The following ABCC10 variants were observed in gnomAD, a reference collection of about 807,000 sequenced individuals.
ABCC10 encodes the protein ATP binding cassette subfamily C member 10.
In ABCC10, 110 loss-of-function variants were observed where a neutral mutation model predicts 143.2. The ratio of observed to expected loss-of-function variants is 0.77; its 90% confidence interval spans 0.66 to 0.90. ABCC10 has a LOEUF of 0.90. ABCC10 is among the 40% of genes least tolerant of loss of function. The pLI is 0.00. For synonymous variants in ABCC10, 805 were observed against 846.7 expected, an observed-to-expected ratio of 0.95 and a Z score of 0.85; for missense variants, 1,700 against 1,900.5, an observed-to-expected ratio of 0.89 and a Z score of 1.96.
chr6:43,441,019 C>T (rs530884307), intron 8 of ABCC10, among the ~76,000 whole-genome samples: 1 of 152,086 alleles, frequency 6.6e-6, no homozygotes, highest in Admixed American at 6.5e-5. Context: ...AGGAGAATTG[C>T]ATGAACCCGA....
At position 43,444,741 on chromosome 6, in the gene ABCC10, A is replaced by C. The variant is rs775833095; in HGVS notation, c.2690-47A>C. The C allele has an allele frequency of 3.6e-5, 56 of 1,536,628 alleles. No individual in the cohort carries two copies. The Middle Eastern group carries it at 8.9e-4, about 25-fold the overall frequency. ...AAGGGGGCATTGGAATAGAATGAACAAGGGAGAGGAGCCTCTTACAGCTTT... is the reference window on the plus strand; with the variant it reads ...AAGGGGGCATTGGAATAGAATGAACCAGGGAGAGGAGCCTCTTACAGCTTT... On this transcript the variant is annotated intron_variant, in intron 12 of 21. Coordinates refer to ENST00000372530, the MANE Select transcript of ABCC10 (RefSeq NM_001198934.2).
intron 2 of ABCC10, 92 bp downstream of exon 2, chr6:43,428,231 A>T: frequency 7.4e-7 from 1 of 1,345,062 alleles, no homozygotes; most frequent in South Asian, 1.5e-5. Context: ...CAGAATAGCG[A>T]GGTCTCTGGA....
rs767365843 is a variant in ABCC10 at position 43,432,137 on chromosome 6, C to T, written c.162-5C>T. The T allele has an allele frequency of 1.2e-5, 19 of 1,613,676 alleles. No homozygotes were observed. The East Asian group carries it at 3.3e-4, about 28-fold the overall frequency. ...GTGCCTCCTTGTCTTCCCCCTTGTC[C>T]CCAGGAGTCCAGATTACATCCTACC... On this transcript the variant is annotated splice_region_variant and splice_polypyrimidine_tract_variant and intron_variant, in intron 2 of 21. Transcript: ENST00000372530.
At chr6:43,429,740 G>A (rs568892549) in intron 2 of ABCC10, among the ~76,000 whole-genome samples, 1 of 152,184 alleles carries the variant, frequency 6.6e-6, no homozygotes, top group Non-Finnish European at 1.5e-5. Flanking sequence ...AATTGGCCGG[G>A]CCCAGTGGCT....
At chr6:43,429,118 A>T (rs4714684) in intron 2 of ABCC10, among the ~76,000 whole-genome samples, 1 of 151,964 alleles carries the variant, frequency 6.6e-6, no homozygotes, top group Non-Finnish European at 1.5e-5. Context: ...GAGAAGGGTT[A>T]GAGAGATCGA....
At chr6:43,446,592 C>T (rs911185105) in intron 16 of ABCC10, 146 bp downstream of exon 16, 24 of 1,425,696 alleles carry the variant, frequency 1.7e-5, no homozygotes, top group Middle Eastern at 2.6e-4. Context: ...TCATCACCCC[C>T]GTTTGGAGTT....
intron 13 of ABCC10, 57 bp downstream of exon 13, chr6:43,444,995 G>GAGT (rs1352185097): frequency 1.3e-5 from 20 of 1,584,324 alleles, no homozygotes; most frequent in Non-Finnish European, 1.7e-5. Context: ...GCCAGGCAGG[G>GAGT]AGTGAGGGTT....
At chr6:43,429,575 G>C (rs1288262883) in intron 2 of ABCC10, among the ~76,000 whole-genome samples, 1 of 152,058 alleles carries the variant, frequency 6.6e-6, no homozygotes, top group Non-Finnish European at 1.5e-5. Context: ...GGGGCCACAA[G>C]TGCATGCCAC....
At chr6:43,448,020 T>C (rs1783305595) in intron 18 of ABCC10, 83 bp downstream of exon 18, 2 of 1,575,640 alleles carry the variant, frequency 1.3e-6, no homozygotes, top group African/African-American at 2.7e-5. Context: ...GAAGGCTTTA[T>C]ATAAACTCAC....
At chr6:43,444,456 G>A (rs956172639) in intron 12 of ABCC10, 103 bp downstream of exon 12, 69 of 1,356,204 alleles carry the variant, frequency 5.1e-5, no homozygotes, top group Middle Eastern at 2.7e-4. Context: ...CACCAAGCAT[G>A]GGTCACAGCT....
At position 43,445,192 on chromosome 6, in the gene ABCC10, G is replaced by C. The variant is rs775833675; in HGVS notation, c.2908G>C (p.Val970Leu). The C allele has an allele frequency of 1.9e-6, 3 of 1,614,062 alleles. No individual in the cohort carries two copies. The highest frequency in any genetic ancestry group is 2.5e-6 in the Non-Finnish European group (3 of 1,179,980). Residue 970 changes from valine to leucine, a missense_variant, in exon 14 of 22, where the codon GTG (valine) becomes CTG (leucine). Val to Leu is a conservative substitution (Grantham distance 32, BLOSUM62 1). Coordinates refer to ENST00000372530, the MANE Select transcript of ABCC10 (RefSeq NM_001198934.2). ...GSSDIRFYLT[V>L]YATIAGVNSL... The stretch of plus-strand genomic sequence containing the variant: ...CTCAGACATCCGTTTCTACCTCACC[G>C]TGTATGCGACCATTGCTGGTGTAAA...
At position 43,432,407 on chromosome 6, in the gene ABCC10, C is replaced by T; in HGVS notation, c.427C>T (p.Pro143Ser). 1 of 1,612,056 alleles carries T rather than the reference C, an allele frequency of 6.2e-7. No individual in the cohort carries two copies. The highest frequency in any genetic ancestry group is 8.5e-7 in the Non-Finnish European group (1 of 1,180,026). The change falls in exon 3 of 22, where the codon CCA (proline) becomes TCA (serine). Residue 143 changes from proline (P) to serine (S), a missense_variant. Coordinates refer to ENST00000372530, the MANE Select transcript of ABCC10 (RefSeq NM_001198934.2). ...PLALALVALL[P>S]APALVLTVLW... is the part of the protein sequence containing the mutation. ...GGCCTTGGCCCTGGTAGCCTTGCTG[C>T]CAGCTCCAGCCCTAGTGCTGACCGT...
rs745498139 is a variant in ABCC10, at chr6:43,437,959, A to T, written c.1901A>T (p.Lys634Met). 6.2e-7 allele frequency: 1 copy of T among 1,613,364 alleles called. No homozygotes were observed. The highest frequency in any genetic ancestry group is 8.5e-7 in the Non-Finnish European group (1 of 1,179,764). ...GGTATGCTGGTGGGCATCGTGGGGA[A>T]GGTCGGCTGTGGGAAGAGCTCCCTG... The part of the protein sequence containing the change: ...KKGMLVGIVG[K>M]VGCGKSSLLA... Residue 634 changes from lysine (K) to methionine (M), a missense_variant, in exon 7 of 22, where the codon AAG becomes ATG. Lys to Met is a moderately conservative substitution (Grantham distance 95, BLOSUM62 -1). Transcript: ENST00000372530.
At chr6:43,434,904 C>T (rs773648293) in intron 4 of ABCC10, 56 bp downstream of exon 4, 31 of 1,563,338 alleles carry the variant, frequency 2.0e-5, no homozygotes, top group South Asian at 1.1e-4. Flanking sequence ...GAAGTGAAGA[C>T]AGAGGCTTGG....
chr6:43,450,608 G>T (rs762904685), downstream of ABCC10: 3 of 1,606,404 alleles, frequency 1.9e-6, no homozygotes, highest in Non-Finnish European at 2.6e-6. This position sits in a 1 kb window ranked among gnomAD's most constrained non-coding sequence, Gnocchi z 4.5. Context: ...CTGGCAGCAT[G>T]CTAACCTGAC....
At chr6:43,437,198 G>A (rs186611204) in intron 6 of ABCC10, among the ~76,000 whole-genome samples, 3 of 152,148 alleles carry the variant, frequency 2.0e-5, no homozygotes, top group Admixed American at 1.3e-4. Flanking sequence ...GAGAATGCTC[G>A]AGTTTACAAG....
chr6:43,428,229 C>T, intron 2 of ABCC10, 90 bp downstream of exon 2: 3 of 1,368,890 alleles, frequency 2.2e-6, no homozygotes, highest in Non-Finnish European at 1.9e-6. Context: ...ACCAGAATAG[C>T]GAGGTCTCTG....
At chr6:43,428,240 G>A (rs1303548785) in intron 2 of ABCC10, 101 bp downstream of exon 2, 5 of 1,297,646 alleles carry the variant, frequency 3.9e-6, no homozygotes, top group Non-Finnish European at 5.1e-6. Flanking sequence ...GAGGTCTCTG[G>A]AGTAGGGCAG....
At position 43,443,795 on chromosome 6, in the gene ABCC10, G is replaced by A. The variant is rs1398259403; in HGVS notation, c.2417-138G>A. On this transcript the variant is annotated intron_variant, in intron 10 of 21. Coordinates refer to ENST00000372530, the MANE Select transcript of ABCC10 (RefSeq NM_001198934.2). The surrounding 1 kb of genome is among the most constrained non-coding windows in gnomAD (Gnocchi z 4.2). ...AGAGGGAGGCCTAAGAGTCCTGCTC[G>A]AGGTCTAGGGGTATCCTGCTAGGGT... 9 of 850,670 alleles carry A rather than the reference G, an allele frequency of 1.1e-5. No individual in the cohort carries two copies. Among genetic ancestry groups the A allele is most frequent in the African/African-American group, 6.6e-5 (4 of 60,226 alleles). 52.7% of individuals were successfully genotyped at this position (850,670 alleles called of 1,614,324 possible).
Sources: gnomAD v4.1 joint callset for allele counts (sites outside exome capture counted in the v4.1 genomes callset) on GRCh38, gnomAD v4.1.1 for gene constraint, Gnocchi (gnomAD v3.1) non-coding constraint, MANE v1.5 for transcripts, NCBI Gene and HGNC (gene_info 2026-07-23, HGNC 2026-07-21) for gene names.